The following PLXDC2 variants were observed in gnomAD, a reference collection of about 807,000 sequenced individuals.
PLXDC2 encodes plexin domain containing 2.
A neutral mutation model predicts 68.9 loss-of-function variants in PLXDC2; 40 were observed. That is an observed-to-expected ratio of 0.58 (90% CI 0.45 to 0.76). PLXDC2 has a LOEUF of 0.76. Ranked by LOEUF, PLXDC2 falls within the 30% of genes least tolerant of loss-of-function variation. The pLI is 0.00. For missense variants in PLXDC2, 644 were observed against 661.9 expected, an observed-to-expected ratio of 0.97 and a Z score of 0.30; for synonymous variants, 243 against 234.2, an observed-to-expected ratio of 1.04 and a Z score of -0.34.
intron 9 of PLXDC2, among the ~76,000 whole-genome samples, chr10:20,190,515 G>A (rs1231152857): frequency 1.3e-5 from 2 of 151,688 alleles, no homozygotes; most frequent in East Asian, 1.9e-4. Flanking sequence ...GTTAATGGGT[G>A]TAGCACACCA....
intron 1 of PLXDC2, among the ~76,000 whole-genome samples, chr10:19,892,508 GT>G (rs1307081963): frequency 6.6e-6 from 1 of 152,144 alleles, no homozygotes; most frequent in Non-Finnish European, 1.5e-5. Context: ...CAGATGTAAA[GT>G]TACGACTAGG....
At chr10:20,275,634 C>T (rs1036295976) in intron 13 of PLXDC2, among the ~76,000 whole-genome samples, 5 of 151,750 alleles carry the variant, frequency 3.3e-5, no homozygotes, top group South Asian at 2.1e-4. Flanking sequence ...AAGGAAGGGT[C>T]GGGCGCTTTG....
chr10:20,078,606 T>C (rs1388666971), intron 4 of PLXDC2, among the ~76,000 whole-genome samples: 1 of 152,188 alleles, frequency 6.6e-6, no homozygotes, highest in Non-Finnish European at 1.5e-5. Flanking sequence ...TACACAGCAA[T>C]GGAAGGAAGA....
chr10:20,205,046 T>A (rs937294610), intron 9 of PLXDC2, among the ~76,000 whole-genome samples: 3 of 152,170 alleles, frequency 2.0e-5, no homozygotes, highest in African/African-American at 7.2e-5. Context: ...ATTTCCTACA[T>A]AGGAATATAT....
At chr10:19,840,339 A>C (rs1017966132) in intron 1 of PLXDC2, among the ~76,000 whole-genome samples, 2 of 152,162 alleles carry the variant, frequency 1.3e-5, no homozygotes, top group African/African-American at 4.8e-5. Flanking sequence ...TTCAAATAAG[A>C]TTACAAAACT....
At chr10:20,148,236 T>C (rs1025683269) in intron 6 of PLXDC2, among the ~76,000 whole-genome samples, 16 of 150,848 alleles carry the variant, frequency 1.1e-4, no homozygotes, top group African/African-American at 3.7e-4. Context: ...TAAATGTAAA[T>C]GTTTATATTT....
chr10:20,261,731 G>T (rs1835810941), intron 13 of PLXDC2, among the ~76,000 whole-genome samples: 1 of 152,068 alleles, frequency 6.6e-6, no homozygotes, highest in African/African-American at 2.4e-5. Flanking sequence ...GCGCATGCCT[G>T]TAATCCCAGC....
chr10:20,245,435 C>A lies in PLXDC2; in HGVS notation c.1403C>A (p.Ala468Asp). The A allele has an allele frequency of 6.2e-7, 1 of 1,613,784 alleles. No individual in the cohort carries two copies. The highest frequency in any genetic ancestry group is 8.5e-7 in the Non-Finnish European group (1 of 1,179,924). The stretch of plus-strand genomic sequence containing the variant: ...ATCCTCATCCTGGTCCTCATTGTAG[C>A]CACAGCCATTCTTGTGACAGTCTAT... ...IGILILVLIVATAILVTVYMY... is the reference protein window; with the variant it reads ...IGILILVLIVDTAILVTVYMY... Residue 468 changes from alanine (A) to aspartate (D), a missense_variant, in exon 13 of 14, where the codon GCC becomes GAC. Physicochemically the swap from Ala to Asp is moderately radical, Grantham distance 126 (BLOSUM62 -2). This residue lies in a region of PLXDC2 where 330 missense variants were observed against 327.9 expected (regional missense o/e 1.01). Transcript: ENST00000377252.
intron 4 of PLXDC2, among the ~76,000 whole-genome samples, chr10:20,134,620 G>T (rs1455325728): frequency 6.6e-6 from 1 of 152,124 alleles, no homozygotes; most frequent in African/African-American, 2.4e-5. Context: ...ATGAGTTTGG[G>T]CCTACATCTT....
intron 1 of PLXDC2, among the ~76,000 whole-genome samples, chr10:19,915,861 A>AC: frequency 7.9e-6 from 1 of 127,014 alleles, no homozygotes; most frequent in Non-Finnish European, 1.7e-5. Flanking sequence ...AAACCAAAAA[A>AC]AAAGAAGAAG....
chr10:20,016,839 G>T (rs1257861637), intron 2 of PLXDC2, among the ~76,000 whole-genome samples: 1 of 152,156 alleles, frequency 6.6e-6, no homozygotes, highest in African/African-American at 2.4e-5. Flanking sequence ...GCTTATATTA[G>T]CAGCCTCACT....
chr10:20,218,923 C>A, intron 11 of PLXDC2, 141 bp from the exon 12 acceptor site: 1 of 852,502 alleles, frequency 1.2e-6, no homozygotes, highest in Non-Finnish European at 1.8e-6. Flanking sequence ...GCTCTCATTG[C>A]ACTAGAAATT....
chr10:20,054,723 G>A (rs1021863300), intron 3 of PLXDC2, among the ~76,000 whole-genome samples: 1 of 152,024 alleles, frequency 6.6e-6, no homozygotes, highest in African/African-American at 2.4e-5. Context: ...TGAGGGGGGA[G>A]GGATAGCATT....
At chr10:19,925,524 TAA>T (rs371297054) in intron 1 of PLXDC2, among the ~76,000 whole-genome samples, 11 of 152,384 alleles carry the variant, frequency 7.2e-5, no homozygotes, top group African/African-American at 2.2e-4. Flanking sequence ...ATTTAATCAT[TAA>T]GTTTTGTGCT....
intron 4 of PLXDC2, among the ~76,000 whole-genome samples, chr10:20,084,307 C>T (rs1371775095): frequency 6.6e-6 from 1 of 152,070 alleles, no homozygotes; most frequent in Non-Finnish European, 1.5e-5. Flanking sequence ...CTCTTTTGGA[C>T]CAAAGCGATA....
chr10:19,876,472 C>T (rs1837633812), intron 1 of PLXDC2, among the ~76,000 whole-genome samples: 1 of 151,816 alleles, frequency 6.6e-6, no homozygotes, highest in African/African-American at 2.4e-5. Flanking sequence ...CGTGGTGGTG[C>T]ATGCCTGTAG....
intron 1 of PLXDC2, among the ~76,000 whole-genome samples, chr10:19,940,303 T>C (rs142841463): frequency 6.9e-4 from 105 of 152,246 alleles, no homozygotes; most frequent in African/African-American, 2.3e-3. Flanking sequence ...AAAAATTTTT[T>C]AAATCTGCTA....
intron 4 of PLXDC2, among the ~76,000 whole-genome samples, chr10:20,111,027 A>T (rs888458931): frequency 2.6e-5 from 4 of 152,114 alleles, no homozygotes; most frequent in African/African-American, 9.7e-5. Flanking sequence ...AAACAAAAAT[A>T]GTGTCTTTAC....
chr10:19,994,431 C>T lies in PLXDC2; in HGVS notation c.113-7344C>T, dbSNP rs186589168. ...GCAGCCTTGTCTTCCTAGGCTCAAG[C>T]GATCCTCCAACCTCAGCCTCCCACA... On this transcript the variant is annotated intron_variant, in intron 1 of 13. Transcript: ENST00000377252. 3.5e-3 allele frequency among the ~76,000 whole-genome samples: 516 copies of T among 147,158 alleles called. 2 individuals carry two copies. Among genetic ancestry groups the T allele is most frequent in the African/African-American group, 0.012 (494 of 39,698 alleles).
Sources: allele counts gnomAD v4.1 joint callset (sites outside exome capture counted in the v4.1 genomes callset), GRCh38; gene constraint gnomAD v4.1.1; regional missense constraint gnomAD v4.1.1; transcripts MANE v1.5; gene names NCBI Gene and HGNC (gene_info 2026-07-23, HGNC 2026-07-21).